NELL2: variants seen among roughly 807,000 people sequenced by gnomAD.
NELL2 encodes the protein neural EGFL like 2.
NELL2 carries 41 observed loss-of-function variants against 109.6 expected under a neutral mutation model. The observed-to-expected ratio is 0.37, with a 90% CI of 0.29 to 0.49. NELL2 has a LOEUF of 0.49. Among genes scored for constraint, NELL2 ranks in the 20% least tolerant of loss-of-function variants. The pLI is 0.98. For synonymous variants in NELL2, 355 were observed against 344.7 expected (o/e 1.03, Z -0.33); for missense variants, 900 against 1,008.3 (o/e 0.89, Z 1.45).
At chr12:44,566,042 G>A (rs2408002) in intron 15 of NELL2, among the ~76,000 whole-genome samples, 129,438 of 152,114 alleles carry the variant, frequency 0.85, 55,501 homozygotes, top group East Asian at 1. Flanking sequence ...ACAGGGAAAG[G>A]AAACTTAGGA....
intron 2 of NELL2, among the ~76,000 whole-genome samples, chr12:44,863,744 C>A (rs959193024): frequency 4.6e-5 from 7 of 152,052 alleles, no homozygotes; most frequent in Admixed American, 1.3e-4. Flanking sequence ...AAATGAAGTA[C>A]AAAGTCAAAT....
At chr12:44,602,240 G>T (rs1301248320) in intron 15 of NELL2, among the ~76,000 whole-genome samples, 2 of 152,126 alleles carry the variant, frequency 1.3e-5, no homozygotes, top group African/African-American at 4.8e-5. Flanking sequence ...AAGATCAGAT[G>T]TGTCTAGTGA....
chr12:44,545,708 T>G (rs1447766341), intron 15 of NELL2, among the ~76,000 whole-genome samples: 1 of 152,110 alleles, frequency 6.6e-6, no homozygotes, highest in East Asian at 1.9e-4. Context: ...ATTCATTTAT[T>G]TACTACATTG....
At chr12:44,679,023 A>C (rs1198492380) in intron 12 of NELL2, among the ~76,000 whole-genome samples, 1 of 152,186 alleles carries the variant, frequency 6.6e-6, no homozygotes, top group African/African-American at 2.4e-5. Context: ...GAGATTAAGC[A>C]TAATTAAATG....
chr12:44,822,071 T>G (rs529656929), intron 2 of NELL2, among the ~76,000 whole-genome samples: 1 of 152,082 alleles, frequency 6.6e-6, no homozygotes, highest in African/African-American at 2.4e-5. Flanking sequence ...TGGCAAAAAT[T>G]TTAATTTAGA....
intron 13 of NELL2, among the ~76,000 whole-genome samples, chr12:44,660,057 G>T (rs1947682668): frequency 6.6e-6 from 1 of 152,150 alleles, no homozygotes; most frequent in Non-Finnish European, 1.5e-5. Context: ...TTTGATAGAA[G>T]AAAGGAGACA....
chr12:44,867,189 A>C (rs565021058), intron 2 of NELL2, among the ~76,000 whole-genome samples: 3 of 152,200 alleles, frequency 2.0e-5, no homozygotes, highest in Non-Finnish European at 4.4e-5. Context: ...CAAGAAAATT[A>C]CAGGCCAATA....
At chr12:44,537,654 A>G (rs1942356392) in intron 15 of NELL2, among the ~76,000 whole-genome samples, 1 of 152,032 alleles carries the variant, frequency 6.6e-6, no homozygotes, top group Non-Finnish European at 1.5e-5. Flanking sequence ...AAAACAATGA[A>G]CTCTTGATTA....
At chr12:44,806,548 T>C (rs1398579938) in intron 3 of NELL2, among the ~76,000 whole-genome samples, 1 of 151,788 alleles carries the variant, frequency 6.6e-6, no homozygotes, top group African/African-American at 2.4e-5. Context: ...ATCTAGCCAA[T>C]ATCATAAAAT....
intron 2 of NELL2, among the ~76,000 whole-genome samples, chr12:44,867,089 C>A (rs928347965): frequency 2.6e-5 from 4 of 152,154 alleles, no homozygotes; most frequent in African/African-American, 9.7e-5. Flanking sequence ...TTCTCAAACT[C>A]TTCCAAAAAA....
chr12:44,778,428 G>A lies in NELL2; in HGVS notation c.607-1114C>T, dbSNP rs190826996. Among the ~76,000 whole-genome samples, 30 of 152,212 alleles carry A rather than the reference G, an allele frequency of 2.0e-4. No homozygotes were observed. In the East Asian group the frequency reaches 4.8e-3, roughly 25 times the overall value. The stretch of plus-strand genomic sequence containing the variant: ...GCAGCAACATAAAAACAAGGCTATC[G>A]TGTACGGTTATATAGTTTATGCACT... On this transcript the variant is annotated intron_variant, in intron 5 of 19. Transcript: ENST00000429094.
At chr12:44,553,991 G>A (rs1355599467) in intron 15 of NELL2, among the ~76,000 whole-genome samples, 1 of 152,114 alleles carries the variant, frequency 6.6e-6, no homozygotes. Flanking sequence ...CTCCAATATG[G>A]TAGGAGTACT....
At chr12:44,821,259 C>A (rs1943534545) in intron 2 of NELL2, among the ~76,000 whole-genome samples, 1 of 152,052 alleles carries the variant, frequency 6.6e-6, no homozygotes, top group South Asian at 2.1e-4. Flanking sequence ...GGAACATTTC[C>A]ATGTTCACCC....
chr12:44,815,416 A>G (rs561295861), intron 3 of NELL2, among the ~76,000 whole-genome samples: 40 of 152,372 alleles, frequency 2.6e-4, no homozygotes, highest in African/African-American at 9.4e-4. Context: ...GTGGATAACT[A>G]TTCACAAATT....
At chr12:44,755,501 C>A (rs1262936834) in intron 9 of NELL2, among the ~76,000 whole-genome samples, 1 of 151,662 alleles carries the variant, frequency 6.6e-6, no homozygotes, top group Admixed American at 6.6e-5. Flanking sequence ...ATGTGATTGA[C>A]CTATCCTGCA....
At chr12:44,749,683 C>A (rs769685345) in intron 9 of NELL2, among the ~76,000 whole-genome samples, 1 of 152,018 alleles carries the variant, frequency 6.6e-6, no homozygotes, top group African/African-American at 2.4e-5. Context: ...AAGTGAAGTC[C>A]CCCTCGGAGG....
chr12:44,809,940 A>G (rs1943120683), intron 3 of NELL2, among the ~76,000 whole-genome samples: 1 of 152,098 alleles, frequency 6.6e-6, no homozygotes, highest in African/African-American at 2.4e-5. Flanking sequence ...AGCTTATTAC[A>G]GTTGTCATTA....
intron 15 of NELL2, among the ~76,000 whole-genome samples, chr12:44,586,829 C>T (rs1249090427): frequency 2.6e-5 from 4 of 152,102 alleles, no homozygotes; most frequent in Non-Finnish European, 5.9e-5. Context: ...CGATGTTGCC[C>T]AATTTTCTTC....
chr12:44,822,529 A>G (rs757777204), intron 2 of NELL2, among the ~76,000 whole-genome samples: 1 of 152,234 alleles, frequency 6.6e-6, no homozygotes, highest in African/African-American at 2.4e-5. Context: ...TTCTTTCTGA[A>G]GCAGGGACAA....
Sources: gnomAD v4.1 joint callset for allele counts (sites outside exome capture counted in the v4.1 genomes callset) on GRCh38, gnomAD v4.1.1 for gene constraint, MANE v1.5 for transcripts, NCBI Gene and HGNC (gene_info 2026-07-23, HGNC 2026-07-21) for gene names.